Variants in ACOT8 observed in about 807,000 individuals in gnomAD.
The protein encoded by ACOT8 is acyl-coenzyme A thioesterase 8.
A neutral mutation model predicts 38.4 loss-of-function variants in ACOT8; 31 were observed. That is an observed-to-expected ratio of 0.81 (90% CI 0.61 to 1.09). The LOEUF is 1.09. Among genes scored for constraint, ACOT8 ranks in the 50% least tolerant of loss-of-function variants. The probability of loss-of-function intolerance (pLI) is 0.00; values close to 1 mark genes in which losing one functional copy is unlikely to be tolerated. For missense variants in ACOT8, 373 were observed against 421.8 expected, an observed-to-expected ratio of 0.88 and a Z score of 1.01; for synonymous variants, 158 against 170.3, an observed-to-expected ratio of 0.93 and a Z score of 0.56.
At position 45,841,958 on chromosome 20, in the gene ACOT8, T is replaced by TCACCC; in HGVS notation, c.842-3_842-2insGGGTG. On this transcript the variant is annotated splice_region_variant and splice_polypyrimidine_tract_variant and intron_variant, in intron 5 of 5. Transcript: ENST00000217455. The stretch of plus-strand genomic sequence containing the variant: ...CATGGACCAGCCCCCGAGAGCCACC[T>TCACCC]GTGGGTGAGGTGAAGGGTGATGATG... 1 of 1,612,664 alleles carries TCACCC rather than the reference T, an allele frequency of 6.2e-7. No individual in the cohort carries two copies. Among genetic ancestry groups the TCACCC allele is most frequent in the Non-Finnish European group, 8.5e-7 (1 of 1,179,856 alleles).
intron 3 of ACOT8, chr20:45,847,821 G>A (rs1363654159): frequency 1.3e-5 from 2 of 150,684 alleles, no homozygotes; most frequent in African/African-American, 4.9e-5. Flanking sequence ...TTGTTGCCCA[G>A]GCTGGAGCAC....
chr20:45,843,082 T>C, intron 5 of ACOT8: 1 of 1,143,822 alleles, frequency 8.7e-7, no homozygotes, highest in East Asian at 5.9e-5. Context: ...CTGGACCTTA[T>C]CCAAGACCTA....
intron 3 of ACOT8, among the ~76,000 whole-genome samples, 195 bp downstream of exon 3, chr20:45,848,255 A>G (rs1279827367): frequency 2.0e-5 from 3 of 152,124 alleles, no homozygotes; most frequent in Non-Finnish European, 4.4e-5. Context: ...ACACACCAGA[A>G]ACACACATGA....
In ACOT8 at chr20:45,848,583, TC is replaced by T. The variant is rs762158872; in HGVS notation, c.354del (p.Lys119SerfsTer44). ...SVRSVKAVQH[G>X]KPIFICQASF... is the part of the protein sequence containing the mutation. ...GAGGCCTGGCAGATGAAGATGGGCTTCCCATGTTGCACGGCCTTCACAGAGC... is the reference window on the plus strand; with the variant it reads ...GAGGCCTGGCAGATGAAGATGGGCTTCCATGTTGCACGGCCTTCACAGAGC... On this transcript the variant is annotated frameshift_variant, in exon 3 of 6. Transcript: ENST00000217455. LOFTEE classifies it high-confidence loss of function. The T allele has an allele frequency of 2.2e-5, 36 of 1,613,952 alleles. No individual in the cohort carries two copies. The highest frequency in any genetic ancestry group is 2.8e-5 in the Non-Finnish European group (33 of 1,180,022).
At chr20:45,855,022 C>G (rs1055083976) in intron 2 of ACOT8, 137 bp downstream of exon 2, 4 of 1,245,522 alleles carry the variant, frequency 3.2e-6, no homozygotes, top group Non-Finnish European at 4.4e-6. Flanking sequence ...CCCTAGACAC[C>G]TCTTAGGGTG....
intron 3 of ACOT8, 66 bp downstream of exon 3, chr20:45,848,384 T>A: frequency 7.2e-7 from 1 of 1,395,106 alleles, no homozygotes; most frequent in South Asian, 1.4e-5. Flanking sequence ...TAAAGGATTC[T>A]ATGACCCACA....
At chr20:45,854,149 T>C (rs1035481158) in intron 2 of ACOT8, among the ~76,000 whole-genome samples, 33 of 146,318 alleles carry the variant, frequency 2.3e-4, no homozygotes, top group African/African-American at 7.7e-4. Context: ...ATTCTCCGCA[T>C]TGGCCTCCCA....
chr20:45,844,520 C>G, intron 3 of ACOT8, 100 bp from the exon 4 acceptor site: 1 of 1,377,912 alleles, frequency 7.3e-7, no homozygotes, highest in Non-Finnish European at 1.0e-6. Context: ...ACAGGGACCC[C>G]TGATATCCCC....
At chr20:45,843,894 G>A in intron 4 of ACOT8, 173 bp from the exon 5 acceptor site, 1 of 1,313,770 alleles carries the variant, frequency 7.6e-7, no homozygotes, top group Non-Finnish European at 1.0e-6. Context: ...GCGACTTGGG[G>A]AGGGCAGGGG....
chr20:45,844,840 A>G (rs1023713189), intron 3 of ACOT8, among the ~76,000 whole-genome samples: 1 of 152,210 alleles, frequency 6.6e-6, no homozygotes. Flanking sequence ...TCATCAGTGA[A>G]ATAAGCACAG....
intron 3 of ACOT8, among the ~76,000 whole-genome samples, chr20:45,844,855 C>T (rs951712765): frequency 1.3e-5 from 2 of 152,154 alleles, no homozygotes; most frequent in Non-Finnish European, 2.9e-5. Context: ...GCACAGAGTC[C>T]AGGTAGCTTG....
chr20:45,848,973 G>C (rs1984883679), intron 2 of ACOT8: 3 of 314,138 alleles, frequency 9.5e-6, no homozygotes, highest in Admixed American at 9.8e-5. Flanking sequence ...TGAGCAGTGT[G>C]CTTATTTGCA....
intron 1 of ACOT8, among the ~76,000 whole-genome samples, chr20:45,856,905 T>G (rs73124792): frequency 3.9e-5 from 6 of 152,328 alleles, no homozygotes; most frequent in African/African-American, 7.2e-5. Flanking sequence ...CTGCCCTCTC[T>G]GGGCTAGCTC....
chr20:45,847,384 T>G (rs1476597539), intron 3 of ACOT8, among the ~76,000 whole-genome samples: 2 of 152,004 alleles, frequency 1.3e-5, no homozygotes, highest in African/African-American at 4.8e-5. Flanking sequence ...GAGGTGGTAC[T>G]TAACAAGTGG....
At position 45,857,230 on chromosome 20, in the gene ACOT8, G is replaced by A. The variant is rs773064737; in HGVS notation, c.86C>T (p.Thr29Met). 1.2e-6 allele frequency: 2 copies of A among 1,613,716 alleles called. No individual in the cohort carries two copies. The highest frequency in any genetic ancestry group is 1.6e-4 in the Middle Eastern group (1 of 6,062). The change falls in exon 1 of 6, where the codon ACG becomes ATG. Residue 29 changes from threonine (T) to methionine (M), a missense_variant. Transcript: ENST00000217455. ...PPGDLRSVLVTTVLNLEPLDE... is the reference protein window; with the variant it reads ...PPGDLRSVLVMTVLNLEPLDE... ...CAGCGGCTCGAGGTTGAGCACGGTC[G>A]TGACCAAGACGCTACGGAGGTCCCC...
chr20:45,853,185 C>T (rs1985175164), intron 2 of ACOT8, among the ~76,000 whole-genome samples: 1 of 152,220 alleles, frequency 6.6e-6, no homozygotes, highest in Admixed American at 6.5e-5. Flanking sequence ...GGTACCCTGG[C>T]AGCTCTCTCA....
intron 2 of ACOT8, chr20:45,854,090 A>C (rs955811082): frequency 1.7e-5 from 13 of 781,004 alleles, no homozygotes; most frequent in Non-Finnish European, 2.2e-5. Flanking sequence ...TGTAGAGACA[A>C]GGTCTCGATT....
chr20:45,856,726 T>C (rs2145780659), intron 1 of ACOT8, among the ~76,000 whole-genome samples: 1 of 152,234 alleles, frequency 6.6e-6, no homozygotes, highest in East Asian at 1.9e-4. Flanking sequence ...TCAGCGATGC[T>C]GGGAAAGAAA....
In ACOT8 at chr20:45,844,440, G is replaced by A. The variant is rs375492371; in HGVS notation, c.489-20C>T. 219 of 1,612,898 alleles carry A rather than the reference G, an allele frequency of 1.4e-4. No homozygotes were observed. The highest frequency in any genetic ancestry group is 4.4e-4 in the South Asian group (40 of 91,020). ...GGGTCCCTGAAAGTAAAGGGAAGAG[G>A]GTCGGGGTGAGACCCAGGAAGAGAG... On this transcript the variant is annotated intron_variant, in intron 3 of 5. Transcript: ENST00000217455.
Sources: allele counts gnomAD v4.1 joint callset (sites outside exome capture counted in the v4.1 genomes callset), GRCh38; gene constraint gnomAD v4.1.1; transcripts MANE v1.5; gene names NCBI Gene and HGNC (gene_info 2026-07-23, HGNC 2026-07-21).